The following AP3B1 variants were observed in gnomAD, a reference collection of about 807,000 sequenced individuals.
AP3B1 encodes the protein AP-3 complex subunit beta-1.
Under a neutral mutation model 132.5 loss-of-function variants are expected in AP3B1, and 61 were observed. The observed-to-expected ratio is 0.46, with a 90% CI of 0.37 to 0.57. AP3B1 has a LOEUF of 0.57. Ranked by LOEUF, AP3B1 falls within the 20% of genes least tolerant of loss-of-function variation. AP3B1 has a pLI of 0.00. For missense variants in AP3B1, 1,120 were observed against 1,289.4 expected, an observed-to-expected ratio of 0.87 and a Z score of 2.01; for synonymous variants, 388 against 438.3, an observed-to-expected ratio of 0.89 and a Z score of 1.43.
rs748939793 is a variant in AP3B1 at position 78,110,852 on chromosome 5, G to A, written c.2250-498C>T. Among the ~76,000 whole-genome samples the A allele has an allele frequency of 9.3e-5, 14 of 150,986 alleles. 1 individual carries two copies. Among genetic ancestry groups the A allele is most frequent in the Admixed American group, 4.7e-4 (7 of 15,010 alleles). On this transcript the variant is annotated intron_variant, in intron 19 of 26. Transcript: ENST00000255194. ...CGGCTCACTGCAGCCTTGACCTCCC[G>A]GGCTCAAGCGATGCTCCCATTTCAG...
intron 2 of AP3B1, among the ~76,000 whole-genome samples, chr5:78,258,516 AC>A (rs1230041935): frequency 6.6e-6 from 1 of 152,200 alleles, no homozygotes; most frequent in African/African-American, 2.4e-5. Context: ...AATGGCTTAT[AC>A]CCAAAAGAAA....
At chr5:78,114,145 C>T (rs754694430) in intron 18 of AP3B1, among the ~76,000 whole-genome samples, 36 of 152,028 alleles carry the variant, frequency 2.4e-4, no homozygotes, top group African/African-American at 3.4e-4. Context: ...GCTCTGACAA[C>T]GAGGAGAGAA....
chr5:78,241,875 C>A (rs1271041478), intron 2 of AP3B1, among the ~76,000 whole-genome samples: 1 of 152,154 alleles, frequency 6.6e-6, no homozygotes, highest in African/African-American at 2.4e-5. Context: ...CCTATTTCCA[C>A]AGTTCTCCTA....
chr5:78,165,770 T>C lies in AP3B1; in HGVS notation c.1168-98A>G, dbSNP rs544886010. On this transcript the variant is annotated intron_variant, in intron 11 of 26. Coordinates refer to ENST00000255194, the MANE Select transcript of AP3B1 (RefSeq NM_003664.5). ...TTTAATTGAAAGTTTATTTCTACTT[T>C]TAAAAATCACATTGTCAGCCGGGCA... 4.3e-6 allele frequency: 4 copies of C among 928,356 alleles called. No homozygotes were observed. In the East Asian group the frequency reaches 1.1e-4, roughly 25 times the overall value. The allele number at this position is 928,356 out of a possible 1,614,324, so 57.5% of individuals were successfully genotyped here.
intron 22 of AP3B1, among the ~76,000 whole-genome samples, chr5:78,050,723 T>C (rs1015909851): frequency 5.9e-5 from 9 of 152,204 alleles, no homozygotes; most frequent in Non-Finnish European, 8.8e-5. Context: ...TTAAAACTTA[T>C]ATAAACAAGA....
At position 78,225,550 on chromosome 5, in the gene AP3B1, T is replaced by C. The variant is rs1561487351; in HGVS notation, c.595A>G (p.Lys199Glu). The change falls in exon 6 of 27, where the codon AAA (lysine) becomes GAA (glutamate). Residue 199 changes from lysine to glutamate, a missense_variant. Transcript: ENST00000255194. ...IEVIEKLLKD[K>E]STLVAGSVVM... The stretch of plus-strand genomic sequence containing the variant: ...AAAAAGACATTACTTACTGTGCTTT[T>C]ATCTTTCAGAAGTTTTTCAATTACT... 4 of 1,569,154 alleles carry C rather than the reference T, an allele frequency of 2.5e-6. No homozygotes were observed. Among genetic ancestry groups the C allele is most frequent in the Non-Finnish European group, 3.5e-6 (4 of 1,141,466 alleles).
At chr5:78,107,153 G>A (rs962720585) in intron 20 of AP3B1, among the ~76,000 whole-genome samples, 7 of 152,126 alleles carry the variant, frequency 4.6e-5, no homozygotes, top group Non-Finnish European at 1.0e-4. Context: ...TGTCAGAGGC[G>A]TGTAAAAAGT....
intron 24 of AP3B1, among the ~76,000 whole-genome samples, chr5:78,021,115 T>C (rs997605860): frequency 1.3e-5 from 2 of 152,060 alleles, no homozygotes; most frequent in Middle Eastern, 3.2e-3. Context: ...ATGCAGCTTA[T>C]AGAGAAGTAA....
intron 15 of AP3B1, among the ~76,000 whole-genome samples, chr5:78,133,791 G>A (rs1358670802): frequency 6.6e-6 from 1 of 151,924 alleles, no homozygotes. Context: ...TTTGTTTTCA[G>A]ACTAATTTTC....
chr5:78,290,030 C>G (rs1428932859), intron 1 of AP3B1, among the ~76,000 whole-genome samples: 4 of 152,156 alleles, frequency 2.6e-5, no homozygotes, highest in African/African-American at 9.7e-5. Context: ...CACCAACTTT[C>G]CCAAATAGCG....
chr5:78,201,411 T>C (rs1745283941), intron 7 of AP3B1, among the ~76,000 whole-genome samples: 5 of 152,180 alleles, frequency 3.3e-5, no homozygotes, highest in Admixed American at 1.3e-4. Flanking sequence ...TTTATTAATA[T>C]GAGAATGGAT....
intron 3 of AP3B1, among the ~76,000 whole-genome samples, chr5:78,233,861 T>G (rs921522392): frequency 2.6e-5 from 4 of 152,110 alleles, no homozygotes; most frequent in Admixed American, 6.5e-5. Flanking sequence ...AACTACTACA[T>G]GTTGTGGCCT....
intron 7 of AP3B1, among the ~76,000 whole-genome samples, chr5:78,207,582 C>T (rs1351953295): frequency 6.6e-5 from 10 of 151,088 alleles, no homozygotes; most frequent in Admixed American, 5.9e-4. Flanking sequence ...TTTAAAATTA[C>T]AAAAAGAAAA....
chr5:78,106,186 G>A (rs189750714), intron 20 of AP3B1, among the ~76,000 whole-genome samples: 179 of 152,292 alleles, frequency 1.2e-3, no homozygotes, highest in Middle Eastern at 3.4e-3. Flanking sequence ...GGCTGGGCAC[G>A]GTTGCCCATG....
chr5:78,045,329 T>C (rs1748277058), intron 22 of AP3B1, among the ~76,000 whole-genome samples: 1 of 144,082 alleles, frequency 6.9e-6, no homozygotes, highest in Admixed American at 7.3e-5. Flanking sequence ...TGCAGTGACC[T>C]GAGATAGTGC....
At chr5:78,175,948 C>A in intron 9 of AP3B1, 110 bp from the exon 10 acceptor site, 1 of 877,286 alleles carries the variant, frequency 1.1e-6, no homozygotes, top group Non-Finnish European at 1.9e-6. Context: ...GAATGAGACT[C>A]TTAAATGTAA....
At chr5:78,084,521 CAAAAAAAAAA>C (rs568637894) in intron 22 of AP3B1, among the ~76,000 whole-genome samples, 3 of 44,004 alleles carry the variant, frequency 6.8e-5, no homozygotes, top group Non-Finnish European at 7.9e-5. Flanking sequence ...CAGACCCTGT[CAAAAAAAAAA>C]AAAAAAAAAA....
At chr5:78,041,973 A>T in intron 22 of AP3B1, 1 of 197,652 alleles carries the variant, frequency 5.1e-6, no homozygotes. Context: ...AGTACTCATC[A>T]GTGGGCTTGG....
At chr5:78,262,317 T>C (rs928791977) in intron 2 of AP3B1, among the ~76,000 whole-genome samples, 1 of 152,218 alleles carries the variant, frequency 6.6e-6, no homozygotes, top group Non-Finnish European at 1.5e-5. Context: ...GTCATGAAGC[T>C]TTTTCTCTAT....
Sources: gnomAD v4.1 joint callset for allele counts (sites outside exome capture counted in the v4.1 genomes callset) on GRCh38, gnomAD v4.1.1 for gene constraint, MANE v1.5 for transcripts, NCBI Gene and HGNC (gene_info 2026-07-23, HGNC 2026-07-21) for gene names.